Variants in SLC39A11 observed in about 807,000 individuals in gnomAD.
SLC39A11 encodes the protein zinc transporter ZIP11.
A neutral mutation model predicts 36.1 loss-of-function variants in SLC39A11; 33 were observed. The observed-to-expected ratio is 0.91, with a 90% CI of 0.69 to 1.22. The LOEUF is 1.22. Ranked by LOEUF, SLC39A11 falls within the 50% of genes most tolerant of loss-of-function variation. The pLI, the probability that SLC39A11 is intolerant of heterozygous loss-of-function variation, is 0.00. For synonymous variants in SLC39A11, 166 were observed against 170.3 expected (o/e 0.97, Z 0.20); for missense variants, 432 against 430.3 (o/e 1.00, Z -0.03).
chr17:72,877,936 G>A (rs1021727218), intron 5 of SLC39A11, among the ~76,000 whole-genome samples: 28 of 151,050 alleles, frequency 1.9e-4, no homozygotes, highest in Non-Finnish European at 2.4e-4. Flanking sequence ...ATCATTTAGC[G>A]TTAAGTATAT....
chr17:72,937,687 A>C (rs1289502033), intron 5 of SLC39A11, among the ~76,000 whole-genome samples: 1 of 152,152 alleles, frequency 6.6e-6, no homozygotes, highest in Non-Finnish European at 1.5e-5. Context: ...GGAGGGCTGA[A>C]TCTCCTTGAA....
chr17:72,655,562 G>A (rs375630758), intron 7 of SLC39A11, among the ~76,000 whole-genome samples: 4 of 152,296 alleles, frequency 2.6e-5, no homozygotes, highest in African/African-American at 9.6e-5. Context: ...CAGAGGAGGT[G>A]AGGATGAGGA....
chr17:72,910,312 T>C (rs567505765), intron 5 of SLC39A11, among the ~76,000 whole-genome samples: 4 of 152,010 alleles, frequency 2.6e-5, no homozygotes, highest in African/African-American at 9.7e-5. Context: ...AAAATAAAAG[T>C]TGAAATTATT....
intron 3 of SLC39A11, among the ~76,000 whole-genome samples, chr17:73,044,808 T>G (rs904380485): frequency 5.7e-5 from 8 of 140,870 alleles, no homozygotes; most frequent in Admixed American, 3.8e-4. Flanking sequence ...ACCTGGGAGG[T>G]GGAGGTTGCA....
chr17:72,878,687 C>T (rs934879151), intron 5 of SLC39A11, among the ~76,000 whole-genome samples: 1 of 152,114 alleles, frequency 6.6e-6, no homozygotes, highest in Admixed American at 6.6e-5. Context: ...ATATTTTTCC[C>T]TACTCTCATA....
Position 72,688,433 on chromosome 17 carries a change from C to T in SLC39A11, c.672-39165G>A, listed in dbSNP as rs750308099. ...TGCTGGACAACCCCCTCAGTCCAGG[C>T]GAGGCCAACTGGCGACTGCCAGGCC... On this transcript the variant is annotated intron_variant, in intron 7 of 9. Coordinates refer to ENST00000255559, the MANE Select transcript of SLC39A11 (RefSeq NM_139177.4). Among the ~76,000 whole-genome samples, 6 of 152,212 alleles carry T rather than the reference C, an allele frequency of 3.9e-5. 1 individual carries two copies. The highest frequency in any genetic ancestry group is 8.8e-5 in the Non-Finnish European group (6 of 68,042).
intron 6 of SLC39A11, among the ~76,000 whole-genome samples, chr17:72,790,809 A>C (rs1468240004): frequency 6.6e-6 from 1 of 152,208 alleles, no homozygotes; most frequent in Non-Finnish European, 1.5e-5. Context: ...CTGGGATTAC[A>C]GGTGTAAGCC....
chr17:72,665,459 T>C (rs971866835), intron 7 of SLC39A11, among the ~76,000 whole-genome samples: 22 of 140,858 alleles, frequency 1.6e-4, no homozygotes, highest in African/African-American at 5.6e-4. Context: ...GGCATGATCA[T>C]GGCTCACTGC....
intron 7 of SLC39A11, among the ~76,000 whole-genome samples, chr17:72,712,336 T>G (rs535307899): frequency 1.3e-5 from 2 of 152,370 alleles, no homozygotes; most frequent in South Asian, 4.1e-4. Context: ...TCAACCTTGC[T>G]GGGCAGCGTA....
chr17:72,675,864 A>C (rs977741172), intron 7 of SLC39A11, among the ~76,000 whole-genome samples: 6 of 152,146 alleles, frequency 3.9e-5, no homozygotes, highest in African/African-American at 7.2e-5. Flanking sequence ...TTTTTAGTAG[A>C]GATGGGGTTT....
At chr17:72,648,993 AG>A in intron 8 of SLC39A11, 32 bp from the exon 9 acceptor site, 1 of 1,595,010 alleles carries the variant, frequency 6.3e-7, no homozygotes, top group Non-Finnish European at 8.5e-7. Flanking sequence ...TTACCACCGC[AG>A]GGGGAGGCAA....
intron 5 of SLC39A11, among the ~76,000 whole-genome samples, chr17:72,897,062 A>AAAAC (rs1205759909): frequency 1.3e-5 from 2 of 150,532 alleles, no homozygotes; most frequent in African/African-American, 4.9e-5. Context: ...CAAAAAAAAA[A>AAAAC]AAAAAAAAAC....
At chr17:72,673,733 G>A (rs1442693565) in intron 7 of SLC39A11, among the ~76,000 whole-genome samples, 1 of 152,158 alleles carries the variant, frequency 6.6e-6, no homozygotes, top group Non-Finnish European at 1.5e-5. Context: ...TTGGGGCAAT[G>A]TGAAACACTT....
At chr17:72,899,758 T>C (rs1307852479) in intron 5 of SLC39A11, among the ~76,000 whole-genome samples, 1 of 152,070 alleles carries the variant, frequency 6.6e-6, no homozygotes, top group Non-Finnish European at 1.5e-5. Context: ...GGTCACGAGT[T>C]TGAGGACAGC....
At chr17:72,793,493 T>C (rs1356210351) in intron 6 of SLC39A11, among the ~76,000 whole-genome samples, 3 of 152,174 alleles carry the variant, frequency 2.0e-5, no homozygotes, top group Non-Finnish European at 4.4e-5. Flanking sequence ...GTATAACATG[T>C]GATGGCAGAT....
At chr17:72,903,430 G>A (rs895933887) in intron 5 of SLC39A11, among the ~76,000 whole-genome samples, 2 of 152,160 alleles carry the variant, frequency 1.3e-5, no homozygotes, top group Admixed American at 6.5e-5. Context: ...ATACTCGCTA[G>A]TTCCTAAGAC....
intron 6 of SLC39A11, among the ~76,000 whole-genome samples, chr17:72,846,592 G>A (rs1213740086): frequency 2.6e-5 from 4 of 152,188 alleles, no homozygotes; most frequent in East Asian, 1.9e-4. Flanking sequence ...CCATTGGGAT[G>A]AGCCAGGAAA....
chr17:73,082,923 G>A (rs1041989010), intron 3 of SLC39A11, among the ~76,000 whole-genome samples: 2 of 148,806 alleles, frequency 1.3e-5, no homozygotes, highest in South Asian at 2.1e-4. Flanking sequence ...GCCTGCAGCA[G>A]GGGAATTGTT....
intron 5 of SLC39A11, among the ~76,000 whole-genome samples, chr17:72,899,407 C>T (rs1340761645): frequency 6.6e-6 from 1 of 152,152 alleles, no homozygotes; most frequent in East Asian, 1.9e-4. Flanking sequence ...TTTTTACCCT[C>T]TTAAGTCCCA....
Sources: gnomAD v4.1 joint callset for allele counts (sites outside exome capture counted in the v4.1 genomes callset) on GRCh38, gnomAD v4.1.1 for gene constraint, MANE v1.5 for transcripts, NCBI Gene and HGNC (gene_info 2026-07-23, HGNC 2026-07-21) for gene names.